BAP1: variants seen among roughly 807,000 people sequenced by gnomAD.
BAP1 encodes ubiquitin carboxyl-terminal hydrolase BAP1.
A neutral mutation model predicts 77.2 loss-of-function variants in BAP1; 16 were observed. The observed-to-expected ratio is 0.21, with a 90% confidence interval of 0.14 to 0.31. The LOEUF (loss-of-function observed/expected upper bound fraction) is 0.31. Ranked by LOEUF, BAP1 falls within the 10% of genes least tolerant of loss-of-function variation. The pLI, the probability that BAP1 is intolerant of heterozygous loss-of-function variation, is 1.00. For missense variants in BAP1, 699 were observed against 967.3 expected (o/e 0.72, Z 3.68); for synonymous variants, 362 against 385.2 (o/e 0.94, Z 0.71).
rs1578224250 is a variant in BAP1 at position 52,405,775 on chromosome 3, G to C, written c.921C>G (p.Gly307=). The C allele has an allele frequency of 6.2e-7, 1 of 1,613,256 alleles. No individual in the cohort carries two copies. The highest frequency in any genetic ancestry group is 8.5e-7 in the Non-Finnish European group (1 of 1,180,020). Residue 307 remains glycine, a synonymous_variant, in exon 10 of 17, where the codon GGC becomes GGG. Coordinates refer to ENST00000460680, the MANE Select transcript of BAP1 (RefSeq NM_004656.4). ...EANRAPAASE[G]NHTDGAEEAA... is the part of the protein sequence containing the mutation. ...CAAACCCCCCAGTACCTGTGTGGTT[G>C]CCCTCAGAGGCTGCAGGGGCCCTGT... is the stretch of plus-strand genomic sequence containing the variant.
rs368720650 is a variant in BAP1 at position 52,405,314 on chromosome 3, C to T, written c.932-20G>A. 20 of 1,612,742 alleles carry T rather than the reference C, an allele frequency of 1.2e-5. No homozygotes were observed. The highest frequency in any genetic ancestry group is 1.7e-5 in the Non-Finnish European group (20 of 1,179,976). ...CACCATCTGAGACAGGGCAAGAACA[C>T]AGGCAGGACCTCCAGTAGGATCTCC... On this transcript the variant is annotated intron_variant, in intron 10 of 16. Coordinates refer to ENST00000460680, the MANE Select transcript of BAP1 (RefSeq NM_004656.4).
At chr3:52,407,075 AC>A (rs1705189585) in intron 7 of BAP1, 98 bp downstream of exon 7, 1 of 1,581,124 alleles carries the variant, frequency 6.3e-7, no homozygotes, top group African/African-American at 1.3e-5. Flanking sequence ...GGTACCGACA[AC>A]CCCTGCCACT....
rs191936598 is a variant in BAP1, at chr3:52,405,722, G to A, written c.931+43C>T. ...TAGGCCTCCCATGTCAGACATTAGC[G>A]GGTGGCTCTGAGGTCCACAAGAGGT... is the stretch of plus-strand genomic sequence containing the variant. On this transcript the variant is annotated intron_variant, in intron 10 of 16. Transcript: ENST00000460680. 5.6e-6 allele frequency: 9 copies of A among 1,610,628 alleles called. No individual in the cohort carries two copies. Among genetic ancestry groups the A allele is most frequent in the African/African-American group, 5.3e-5 (4 of 74,952 alleles).
In BAP1 at chr3:52,403,502, C is replaced by T. The variant is rs779877855; in HGVS notation, c.1643G>A (p.Arg548His). ...LLRVDCIRYN[R>H]AVRDLGPVIS... The stretch of plus-strand genomic sequence containing the variant: ...GACAGGACCCAGATCACGGACAGCA[C>T]GGTTGTAGCGTATGCAGTCAACACG... Residue 548 changes from arginine (R) to histidine (H), a missense_variant, in exon 13 of 17, where the codon CGT (arginine) becomes CAT (histidine). Arg to His is a conservative substitution (Grantham distance 29). Transcript: ENST00000460680. The surrounding 1 kb of genome is among the most constrained non-coding windows in gnomAD (Gnocchi z 4.0). 16 of 1,613,886 alleles carry T rather than the reference C, an allele frequency of 9.9e-6. No homozygotes were observed. The highest frequency in any genetic ancestry group is 5.0e-5 in the Admixed American group (3 of 60,006).
rs746220455 is a variant in BAP1, at chr3:52,402,966, C to A, written c.1891-95G>T. The A allele has an allele frequency of 1.2e-6, 2 of 1,604,434 alleles. No individual in the cohort carries two copies. Among genetic ancestry groups the A allele is most frequent in the African/African-American group, 2.7e-5 (2 of 75,020 alleles). On this transcript the variant is annotated intron_variant, in intron 14 of 16. Transcript: ENST00000460680. This position sits in a 1 kb window ranked among gnomAD's most constrained non-coding sequence, Gnocchi z 5.3. ...CTAGAGGCAAGGATGAGCAGCGAGT[C>A]CATGCCTATCAAGGCCCCTGCCACC...
chr3:52,409,442 G>A (rs1705284801), intron 3 of BAP1, 112 bp downstream of exon 3: 2 of 1,412,764 alleles, frequency 1.4e-6, no homozygotes, highest in Non-Finnish European at 2.0e-6. Flanking sequence ...TGCTTTCTGT[G>A]AGATTTTACA....
chr3:52,407,422 G>C lies in BAP1; in HGVS notation c.414C>G (p.Ala138=), dbSNP rs2153227950. 6.2e-7 allele frequency: 1 copy of C among 1,614,150 alleles called. No individual in the cohort carries two copies. The highest frequency in any genetic ancestry group is 8.5e-7 in the Non-Finnish European group (1 of 1,180,024). ...GYAIGNAPEL[A]KAHNSHARPE... is the part of the protein sequence containing the mutation. The stretch of plus-strand genomic sequence containing the variant: ...ACCTGGCATGGCTATTATGGGCCTT[G>C]GCCAACTCCGGGGCATTGCCAATCG... The change falls in exon 6 of 17, where the codon GCC becomes GCG. Residue 138 remains alanine, a synonymous_variant. Transcript: ENST00000460680.
Position 52,402,369 on chromosome 3 carries a change from C to T in BAP1, c.2109G>A (p.Gly703=). The change falls in exon 17 of 17, where the codon GGG becomes GGA. Residue 703 remains glycine (G), a synonymous_variant. Coordinates refer to ENST00000460680, the MANE Select transcript of BAP1 (RefSeq NM_004656.4). The surrounding 1 kb of genome is among the most constrained non-coding windows in gnomAD (Gnocchi z 5.3). ...EQNISVRRRQ[G]VSIGRLHKQR... Reference sequence around the variant, plus strand: ...GCTTGTGGAGCCGGCCGATGCTGACCCCTTGGCGCCGCCGCACGGAGATGT... The same window carrying T: ...GCTTGTGGAGCCGGCCGATGCTGACTCCTTGGCGCCGCCGCACGGAGATGT... The T allele has an allele frequency of 6.3e-7, 1 of 1,576,878 alleles. No homozygotes were observed. The highest frequency in any genetic ancestry group is 8.6e-7 in the Non-Finnish European group (1 of 1,162,626).
rs1228517923 is a variant in BAP1, at chr3:52,402,883, CA to C, written c.1891-13del. On this transcript the variant is annotated splice_polypyrimidine_tract_variant and intron_variant, in intron 14 of 16. Transcript: ENST00000460680. The surrounding 1 kb of genome is among the most constrained non-coding windows in gnomAD (Gnocchi z 5.3). Reference sequence around the variant, plus strand: ...AGTGCCAGCAGCTCCTGCCAAAACCCAGCATTGCACCTCTGATCGGGGCGGG... The same window carrying C: ...AGTGCCAGCAGCTCCTGCCAAAACCCGCATTGCACCTCTGATCGGGGCGGG... 6.2e-7 allele frequency: 1 copy of C among 1,614,162 alleles called. No individual in the cohort carries two copies. Among genetic ancestry groups the C allele is most frequent in the East Asian group, 2.2e-5 (1 of 44,882 alleles).
In BAP1 at chr3:52,403,535, C is replaced by T. The variant is rs1705041261; in HGVS notation, c.1610G>A (p.Ser537Asn). Reference protein sequence around the residue: ...ISKVLFGEDDSLLRVDCIRYN... With the variant: ...ISKVLFGEDDNLLRVDCIRYN... ...GCGTATGCAGTCAACACGCAGCAGG[C>T]TGTCATCCTCTCCAAAAAGCACCTT... Residue 537 changes from serine to asparagine, a missense_variant, in exon 13 of 17, where the codon AGC becomes AAC. Coordinates refer to ENST00000460680, the MANE Select transcript of BAP1 (RefSeq NM_004656.4). The surrounding 1 kb of genome is among the most constrained non-coding windows in gnomAD (Gnocchi z 4.0). 1.2e-6 allele frequency: 2 copies of T among 1,614,138 alleles called. No homozygotes were observed. Among genetic ancestry groups the T allele is most frequent in the African/African-American group, 2.7e-5 (2 of 75,068 alleles).
Position 52,402,022 on chromosome 3 carries a change from G to T in BAP1, c.*266C>A. Reference sequence around the variant, plus strand: ...CCAGGCAGAAGGGCCAGGTCCTGCTGCTCCACAGCCGGCTGTGGAGGAAGC... The same window carrying T: ...CCAGGCAGAAGGGCCAGGTCCTGCTTCTCCACAGCCGGCTGTGGAGGAAGC... On this transcript the variant is annotated 3_prime_UTR_variant, in exon 17 of 17. Transcript: ENST00000460680. The surrounding 1 kb of genome is among the most constrained non-coding windows in gnomAD (Gnocchi z 5.3). 1 of 591,736 alleles carries T rather than the reference G, an allele frequency of 1.7e-6. No homozygotes were observed. Among genetic ancestry groups the T allele is most frequent in the Non-Finnish European group, 3.0e-6 (1 of 335,892 alleles). The allele number at this position is 591,736 out of a possible 1,614,324, so 36.7% of individuals were successfully genotyped here.
At position 52,405,644 on chromosome 3, in the gene BAP1, G is replaced by A. The variant is rs369928676; in HGVS notation, c.931+121C>T. 40 of 1,468,406 alleles carry A rather than the reference G, an allele frequency of 2.7e-5. 1 individual carries two copies. The South Asian group carries it at 4.3e-4, about 16-fold the overall frequency. 91.0% of individuals were successfully genotyped at this position (1,468,406 alleles called of 1,614,324 possible). A position where few individuals can be genotyped will look rare whatever the true frequency, so the allele number is the denominator to read the frequency against. On this transcript the variant is annotated intron_variant, in intron 10 of 16. Transcript: ENST00000460680. ...AAGGACTGCTCTCCCTCTACCTTCT[G>A]ACGGGGGAAGAACACTGCCCAAGGA...
rs755235127 is a variant in BAP1, at chr3:52,406,390, C to T, written c.660-14G>A. The T allele has an allele frequency of 1.2e-6, 2 of 1,612,358 alleles. No homozygotes were observed. Among genetic ancestry groups the T allele is most frequent in the Non-Finnish European group, 8.5e-7 (1 of 1,179,910 alleles). On this transcript the variant is annotated splice_polypyrimidine_tract_variant and intron_variant, in intron 8 of 16. Coordinates refer to ENST00000460680, the MANE Select transcript of BAP1 (RefSeq NM_004656.4). This position sits in a 1 kb window ranked among gnomAD's most constrained non-coding sequence, Gnocchi z 4.6. Reference sequence around the variant, plus strand: ...TGGTAGGGCTCCCTGCAGTCACAGCCGCAGCCGTGAGAGCAGCTCCCGCCC... The same window carrying T: ...TGGTAGGGCTCCCTGCAGTCACAGCTGCAGCCGTGAGAGCAGCTCCCGCCC...
In BAP1 at chr3:52,402,957, G is replaced by A. The variant is rs981612334; in HGVS notation, c.1891-86C>T. On this transcript the variant is annotated intron_variant, in intron 14 of 16. Coordinates refer to ENST00000460680, the MANE Select transcript of BAP1 (RefSeq NM_004656.4). This position sits in a 1 kb window ranked among gnomAD's most constrained non-coding sequence, Gnocchi z 5.3. Reference sequence around the variant, plus strand: ...AATAGGCAGCTAGAGGCAAGGATGAGCAGCGAGTCCATGCCTATCAAGGCC... The same window carrying A: ...AATAGGCAGCTAGAGGCAAGGATGAACAGCGAGTCCATGCCTATCAAGGCC... The A allele has an allele frequency of 4.4e-6, 7 of 1,607,136 alleles. No individual in the cohort carries two copies. The highest frequency in any genetic ancestry group is 2.2e-5 in the East Asian group (1 of 44,876).
chr3:52,407,175 A>G lies in BAP1; in HGVS notation c.579T>C (p.His193=), dbSNP rs1366640997. ...LDGLKVYPID[H]GPWGEDEEWT... ...AGGCCTCCAGCTCATGGTGCCTACCATGGTCAATGGGGTAGACCTTCAGCC... is the reference window on the plus strand; with the variant it reads ...AGGCCTCCAGCTCATGGTGCCTACCGTGGTCAATGGGGTAGACCTTCAGCC... Residue 193 remains histidine, a splice_region_variant and synonymous_variant, in exon 7 of 17, where the codon CAT becomes CAC. Transcript: ENST00000460680. 1.9e-6 allele frequency: 3 copies of G among 1,613,958 alleles called. No individual in the cohort carries two copies. Among genetic ancestry groups the G allele is most frequent in the Admixed American group, 1.7e-5 (1 of 60,020 alleles).
Position 52,402,295 on chromosome 3 carries a change from C to A in BAP1, c.2183G>T (p.Arg728Leu), listed in dbSNP as rs773230722. ...RKRSRPYKAK[R>L]Q ...AGTCAGGGCCAGCAGTCCTCACTGG[C>A]GCTTGGCCTTGTAGGGGCGAGAGCG... The change falls in exon 17 of 17, where the codon CGC becomes CTC. Residue 728 changes from arginine (R) to leucine (L), a missense_variant. By Grantham distance (102) the Arg-to-Leu change is moderately radical. Coordinates refer to ENST00000460680, the MANE Select transcript of BAP1 (RefSeq NM_004656.4). The surrounding 1 kb of genome is among the most constrained non-coding windows in gnomAD (Gnocchi z 5.3). 1.9e-6 allele frequency: 3 copies of A among 1,600,634 alleles called. No homozygotes were observed. In the Admixed American group the frequency reaches 5.2e-5, roughly 28 times the overall value.
In BAP1 at chr3:52,402,961, C is replaced by T. The variant is rs1323253291; in HGVS notation, c.1891-90G>A. 2.5e-5 allele frequency: 40 copies of T among 1,605,430 alleles called. No individual in the cohort carries two copies. The highest frequency in any genetic ancestry group is 3.3e-5 in the Non-Finnish European group (39 of 1,179,250). On this transcript the variant is annotated intron_variant, in intron 14 of 16. Coordinates refer to ENST00000460680, the MANE Select transcript of BAP1 (RefSeq NM_004656.4). This position sits in a 1 kb window ranked among gnomAD's most constrained non-coding sequence, Gnocchi z 5.3. ...GGCAGCTAGAGGCAAGGATGAGCAG[C>T]GAGTCCATGCCTATCAAGGCCCCTG...
At position 52,406,739 on chromosome 3, in the gene BAP1, T is replaced by C. The variant is rs1705170501; in HGVS notation, c.659+90A>G. 7.1e-7 allele frequency: 1 copy of C among 1,399,514 alleles called. No individual in the cohort carries two copies. 86.7% of individuals were successfully genotyped at this position (1,399,514 alleles called of 1,614,324 possible). A position where few individuals can be genotyped will look rare whatever the true frequency, so the allele number is the denominator to read the frequency against. On this transcript the variant is annotated intron_variant, in intron 8 of 16. Coordinates refer to ENST00000460680, the MANE Select transcript of BAP1 (RefSeq NM_004656.4). The surrounding 1 kb of genome is among the most constrained non-coding windows in gnomAD (Gnocchi z 4.6). ...TCTTGCCAGATTCACCATATGGCCTTGCAATTTACAAATCACCTGGATACT... is the reference window on the plus strand; with the variant it reads ...TCTTGCCAGATTCACCATATGGCCTCGCAATTTACAAATCACCTGGATACT...
intron 10 of BAP1, 105 bp downstream of exon 10, chr3:52,405,660 T>C: frequency 6.6e-7 from 1 of 1,522,294 alleles, no homozygotes; most frequent in Non-Finnish European, 8.9e-7. Flanking sequence ...GGAAGAACAC[T>C]GCCCAAGGAC....
Sources: gnomAD v4.1 joint callset for allele counts on GRCh38, gnomAD v4.1.1 for gene constraint, Gnocchi (gnomAD v3.1) non-coding constraint, MANE v1.5 for transcripts, NCBI Gene and HGNC (gene_info 2026-07-23, HGNC 2026-07-21) for gene names.